The following GPR180 variants were observed in gnomAD, a reference collection of about 807,000 sequenced individuals.
GPR180 encodes integral membrane protein GPR180.
GPR180 carries 53 observed loss-of-function variants against 52.6 expected under a neutral mutation model. The observed-to-expected ratio is 1.01, with a 90% CI of 0.81 to 1.27. GPR180 has a LOEUF of 1.27. Ranked by LOEUF, GPR180 falls within the 50% of genes most tolerant of loss-of-function variation. GPR180 has a pLI of 0.00. For synonymous variants in GPR180, 200 were observed against 193.1 expected, an observed-to-expected ratio of 1.04 and a Z score of -0.30; for missense variants, 533 against 527.0, an observed-to-expected ratio of 1.01 and a Z score of -0.11.
rs770192473 is a variant in GPR180 at position 94,613,867 on chromosome 13, CT to C, written c.505+1493del. ...GTTGGACTAAATTGCTCCTCAGGTC[CT>C]TTTTTTTTTTTTTTTAATTTTATTT... On this transcript the variant is annotated intron_variant, in intron 3 of 8. Coordinates refer to ENST00000376958, the MANE Select transcript of GPR180 (RefSeq NM_180989.6). 7.2e-3 allele frequency among the ~76,000 whole-genome samples: 969 copies of C among 133,738 alleles called. 3 individuals are homozygous for C. The highest frequency in any genetic ancestry group is 0.012 in the Middle Eastern group (3 of 254). The allele number at this position is 133,738 out of a possible 152,430, so 87.7% of individuals were successfully genotyped here.
At chr13:94,605,049 G>A (rs991901286) in intron 1 of GPR180, among the ~76,000 whole-genome samples, 11 of 152,114 alleles carry the variant, frequency 7.2e-5, no homozygotes, top group African/African-American at 2.4e-4. Context: ...ACTTTGGTGG[G>A]ACATTTCTAT....
chr13:94,623,262 A>G lies in GPR180; in HGVS notation c.1048A>G (p.Ser350Gly). The change falls in exon 7 of 9, where the codon AGT becomes GGT. Residue 350 changes from serine (S) to glycine (G), a missense_variant. Transcript: ENST00000376958. ...CTATCAGATCATCACAGTGGAGAGA[A>G]GTACACTCAAAAGGGAGTTCTACAT... Reference protein sequence around the residue: ...GLYQIITVERSTLKREFYITF... With the variant: ...GLYQIITVERGTLKREFYITF... 6.2e-7 allele frequency: 1 copy of G among 1,613,834 alleles called. No homozygotes were observed. Among genetic ancestry groups the G allele is most frequent in the Non-Finnish European group, 8.5e-7 (1 of 1,179,904 alleles).
chr13:94,605,402 C>T lies in GPR180; in HGVS notation c.157C>T (p.Leu53Phe), dbSNP rs139969007. Residue 53 changes from leucine to phenylalanine, a missense_variant, in exon 2 of 9, where the codon CTT becomes TTT. Coordinates refer to ENST00000376958, the MANE Select transcript of GPR180 (RefSeq NM_180989.6). ...GTTTTAATGTCAAGGTGACCATGCT[C>T]TTCTGTGTGTCAGAATCAACAACAT... ...GHFEFHGDHA[L>F]LCVRINNIAV... 1.2e-6 allele frequency: 2 copies of T among 1,613,878 alleles called. No homozygotes were observed. Among genetic ancestry groups the T allele is most frequent in the African/African-American group, 2.7e-5 (2 of 74,930 alleles).
chr13:94,619,619 G>A (rs1272505472), intron 5 of GPR180, 102 bp downstream of exon 5: 1 of 972,580 alleles, frequency 1.0e-6, no homozygotes, highest in African/African-American at 1.6e-5. Flanking sequence ...AAATTGTTTA[G>A]AAATCAGCTT....
intron 2 of GPR180, among the ~76,000 whole-genome samples, chr13:94,608,809 T>TG (rs1889666747): frequency 6.6e-6 from 1 of 152,316 alleles, no homozygotes; most frequent in African/African-American, 2.4e-5. Context: ...CGTAAAACCT[T>TG]GCTGCTGCTG....
intron 3 of GPR180, among the ~76,000 whole-genome samples, chr13:94,615,139 T>G (rs1889760782): frequency 6.6e-6 from 1 of 152,212 alleles, no homozygotes; most frequent in African/African-American, 2.4e-5. Context: ...GCTCTAAAGT[T>G]GATTCTTATG....
At chr13:94,609,668 C>G (rs1482813284) in intron 2 of GPR180, among the ~76,000 whole-genome samples, 1 of 151,730 alleles carries the variant, frequency 6.6e-6, no homozygotes, top group African/African-American at 2.4e-5. Flanking sequence ...ATTTATTGAT[C>G]ATATATTAAA....
At chr13:94,626,692 C>T (rs947200957) in intron 8 of GPR180, among the ~76,000 whole-genome samples, 12 of 152,060 alleles carry the variant, frequency 7.9e-5, no homozygotes, top group Middle Eastern at 3.2e-3. Flanking sequence ...ATTCCTGTTC[C>T]TAAATTAGCT....
At chr13:94,605,651 A>G (rs552631360) in intron 2 of GPR180, 102 bp downstream of exon 2, 4 of 923,830 alleles carry the variant, frequency 4.3e-6, no homozygotes, top group Non-Finnish European at 6.4e-6. Flanking sequence ...CTGACAGCAT[A>G]ATCCCACTGT....
intron 1 of GPR180, among the ~76,000 whole-genome samples, chr13:94,602,329 G>T (rs1889568689): frequency 6.6e-6 from 1 of 152,180 alleles, no homozygotes; most frequent in African/African-American, 2.4e-5. Flanking sequence ...CTGAAAGCTG[G>T]TTTCCATTTC....
At position 94,632,521 on chromosome 13, in the gene GPR180, T is replaced by A. The variant is rs1890011722; in HGVS notation, c.*5350T>A. On this transcript the variant is annotated 3_prime_UTR_variant, in exon 9 of 9. Coordinates refer to ENST00000376958, the MANE Select transcript of GPR180 (RefSeq NM_180989.6). ...GATGTATTTTGATTTTTTCAAAGAA[T>A]CAGTTCTGTTACTGCACGTTGTTGG... is the stretch of plus-strand genomic sequence containing the variant. 6.6e-6 allele frequency: 1 copy of A among 152,216 alleles called. No homozygotes were observed. Among genetic ancestry groups the A allele is most frequent in the Non-Finnish European group, 1.5e-5 (1 of 68,028 alleles). 9.4% of individuals were successfully genotyped at this position (152,216 alleles called of 1,614,324 possible).
Position 94,619,130 on chromosome 13 carries a change from T to G in GPR180, c.506-20T>G, listed in dbSNP as rs1889818178. 8.2e-6 allele frequency: 13 copies of G among 1,592,408 alleles called. No individual in the cohort carries two copies. Among genetic ancestry groups the G allele is most frequent in the Admixed American group, 1.8e-5 (1 of 56,858 alleles). On this transcript the variant is annotated intron_variant, in intron 3 of 8. Transcript: ENST00000376958. The stretch of plus-strand genomic sequence containing the variant: ...CTGGCTTTGTTTTACTGAAGCAAAC[T>G]CCCTTTCTTCTCTTCACAGGGTTAC...
chr13:94,602,956 C>T (rs1334190615), intron 1 of GPR180, among the ~76,000 whole-genome samples: 1 of 151,854 alleles, frequency 6.6e-6, no homozygotes, highest in Non-Finnish European at 1.5e-5. Flanking sequence ...CAACGATGAA[C>T]ATCAGAATAT....
chr13:94,620,384 A>T (rs976404883), intron 5 of GPR180, among the ~76,000 whole-genome samples: 1 of 152,258 alleles, frequency 6.6e-6, no homozygotes, highest in African/African-American at 2.4e-5. Context: ...TGAAGCATTT[A>T]TAGATTTCTG....
At chr13:94,613,487 A>G (rs1398275940) in intron 3 of GPR180, among the ~76,000 whole-genome samples, 1 of 152,130 alleles carries the variant, frequency 6.6e-6, no homozygotes, top group African/African-American at 2.4e-5. Context: ...GGGTCTCGCT[A>G]TGTTGCCCAG....
chr13:94,612,431 G>A, intron 3 of GPR180, 41 bp downstream of exon 3: 2 of 1,379,942 alleles, frequency 1.4e-6, no homozygotes. Context: ...TTCAGGAAAA[G>A]ATTTATGTAC....
In GPR180 at chr13:94,629,136, C is replaced by G. The variant is rs1889962830; in HGVS notation, c.*1965C>G. The stretch of plus-strand genomic sequence containing the variant: ...AATAAATGTATAAAACTGTTCTTGA[C>G]TAGTAATCAGGGACAAAATTTATAG... On this transcript the variant is annotated 3_prime_UTR_variant, in exon 9 of 9. Transcript: ENST00000376958. 6.6e-6 allele frequency: 1 copy of G among 152,066 alleles called. No individual in the cohort carries two copies. Among genetic ancestry groups the G allele is most frequent in the Non-Finnish European group, 1.5e-5 (1 of 67,964 alleles). The allele number at this position is 152,066 out of a possible 1,614,324, so 9.4% of individuals were successfully genotyped here.
At chr13:94,603,797 T>C (rs1889591754) in intron 1 of GPR180, among the ~76,000 whole-genome samples, 1 of 152,180 alleles carries the variant, frequency 6.6e-6, no homozygotes, top group Non-Finnish European at 1.5e-5. Context: ...CAGTCTCCTG[T>C]CTTAGCTCTT....
rs1889987403 is a variant in GPR180 at position 94,630,971 on chromosome 13, A to AG, written c.*3803dup. The stretch of plus-strand genomic sequence containing the variant: ...GATCTGCATTCTTTTTGTAAGAGGA[A>AG]GGGCCAGACAAGGCACAAGGCACAA... On this transcript the variant is annotated 3_prime_UTR_variant, in exon 9 of 9. Transcript: ENST00000376958. 1 of 152,318 alleles carries AG rather than the reference A, an allele frequency of 6.6e-6. No homozygotes were observed. The highest frequency in any genetic ancestry group is 6.5e-5 in the Admixed American group (1 of 15,290). 9.4% of individuals were successfully genotyped at this position (152,318 alleles called of 1,614,324 possible). A position where few individuals can be genotyped will look rare whatever the true frequency, so the allele number is the denominator to read the frequency against.
Sources: allele counts gnomAD v4.1 joint callset (sites outside exome capture counted in the v4.1 genomes callset), GRCh38; gene constraint gnomAD v4.1.1; transcripts MANE v1.5; gene names NCBI Gene and HGNC (gene_info 2026-07-23, HGNC 2026-07-21).